The following TSHZ1 variants were observed in gnomAD, a reference collection of about 807,000 sequenced individuals.
TSHZ1 encodes the protein teashirt homolog 1.
A neutral mutation model predicts 67.1 loss-of-function variants in TSHZ1; 12 were observed. The observed-to-expected ratio is 0.18, with a 90% confidence interval of 0.11 to 0.29. The LOEUF is 0.29. TSHZ1 is among the 10% of genes least tolerant of loss of function. TSHZ1 has a pLI of 1.00. For synonymous variants in TSHZ1, 632 were observed against 622.4 expected, an observed-to-expected ratio of 1.02 and a Z score of -0.23; for missense variants, 1,305 against 1,413.9, an observed-to-expected ratio of 0.92 and a Z score of 1.23.
At position 75,285,575 on chromosome 18, in the gene TSHZ1, G is replaced by T. The variant is rs371975193; in HGVS notation, c.168G>T (p.Ala56=). 1 of 1,600,526 alleles carries T rather than the reference G, an allele frequency of 6.2e-7. No individual in the cohort carries two copies. Among genetic ancestry groups the T allele is most frequent in the South Asian group, 1.1e-5 (1 of 90,402 alleles). ...MCNEETEIKE[A]QSYQNSPVSS... ...ATGAAGAGACGGAGATCAAAGAGGC[G>T]CAGAGCTACCAGAACTCCCCAGTCA... Residue 56 remains alanine (A), a synonymous_variant, in exon 2 of 2, where the codon GCG becomes GCT. Transcript: ENST00000580243.
At chr18:75,245,326 A>G (rs974870442) in intron 1 of TSHZ1, 1 of 152,232 alleles carries the variant, frequency 6.6e-6, no homozygotes. Context: ...TGTGGAAACA[A>G]ACAGGAGCTT....
Position 75,288,471 on chromosome 18 carries a change from A to C in TSHZ1, c.3064A>C (p.Thr1022Pro). 6.2e-7 allele frequency: 1 copy of C among 1,614,026 alleles called. No individual in the cohort carries two copies. Among genetic ancestry groups the C allele is most frequent in the Non-Finnish European group, 8.5e-7 (1 of 1,180,000 alleles). The part of the protein sequence containing the change: ...QNVSKVLTNK[T>P]LGPLGATEED... ...TGTTTCGAAAGTCCTCACCAACAAA[A>C]CTCTGGGCCCACTGGGGGCCACCGA... Residue 1022 changes from threonine to proline, a missense_variant, in exon 2 of 2, where the codon ACT (threonine) becomes CCT (proline). Around this residue, in one of 3 missense-constraint regions of TSHZ1, gnomAD observed 909 missense variants for 961.8 expected, o/e 0.95. Coordinates refer to ENST00000580243, the MANE Select transcript of TSHZ1 (RefSeq NM_001308210.2). This position sits in a 1 kb window ranked among gnomAD's most constrained non-coding sequence, Gnocchi z 4.9.
Position 75,288,538 on chromosome 18 carries a change from G to A in TSHZ1, c.3131G>A (p.Arg1044Gln), listed in dbSNP as rs557571956. 1.1e-5 allele frequency: 18 copies of A among 1,614,216 alleles called. No homozygotes were observed. Among genetic ancestry groups the A allele is most frequent in the Admixed American group, 1.7e-5 (1 of 60,028 alleles). The change falls in exon 2 of 2, where the codon CGG (arginine) becomes CAG (glutamine). Residue 1044 changes from arginine (R) to glutamine (Q), a missense_variant. This residue lies in a region of TSHZ1 where 909 missense variants were observed against 961.8 expected (regional missense o/e 0.95). Transcript: ENST00000580243. The surrounding 1 kb of genome is among the most constrained non-coding windows in gnomAD (Gnocchi z 4.9). The stretch of plus-strand genomic sequence containing the variant: ...ACATTCCAATGTAAGCTCTGCAACC[G>A]GACTTTTGCGAGCAAGCACGCAGTC... ...GSTFQCKLCN[R>Q]TFASKHAVKL...
chr18:75,231,547 A>G (rs1027509592), intron 1 of TSHZ1, among the ~76,000 whole-genome samples: 9 of 152,014 alleles, frequency 5.9e-5, no homozygotes, highest in Non-Finnish European at 1.0e-4. Context: ...TTATTTATTT[A>G]TTTATTGATA....
chr18:75,240,889 G>C (rs2023147535), intron 1 of TSHZ1, among the ~76,000 whole-genome samples: 1 of 152,180 alleles, frequency 6.6e-6, no homozygotes. Context: ...TTAAAAACCT[G>C]CTATTTAGTT....
chr18:75,258,532 G>C (rs1181759950), intron 1 of TSHZ1, among the ~76,000 whole-genome samples: 1 of 152,072 alleles, frequency 6.6e-6, no homozygotes, highest in East Asian at 1.9e-4. Flanking sequence ...TTCTTTATTT[G>C]GGAAAAAGGG....
intron 1 of TSHZ1, among the ~76,000 whole-genome samples, chr18:75,228,426 C>A (rs534343310): frequency 7.9e-5 from 12 of 152,320 alleles, no homozygotes; most frequent in African/African-American, 2.6e-4. Flanking sequence ...CCCCAGAGCT[C>A]ACCATTATCA....
chr18:75,236,047 T>C (rs2023065459), intron 1 of TSHZ1, among the ~76,000 whole-genome samples: 3 of 152,032 alleles, frequency 2.0e-5, no homozygotes. Flanking sequence ...GCTTGCGTGA[T>C]AGGAAGCATG....
chr18:75,238,091 A>G (rs574776886), intron 1 of TSHZ1, among the ~76,000 whole-genome samples: 58 of 152,312 alleles, frequency 3.8e-4, no homozygotes, highest in East Asian at 7.7e-4. Flanking sequence ...GTGAGCCACC[A>G]CGCCAGGCTG....
intron 1 of TSHZ1, among the ~76,000 whole-genome samples, chr18:75,277,694 G>A (rs1482574107): frequency 6.6e-6 from 1 of 152,078 alleles, no homozygotes; most frequent in African/African-American, 2.4e-5. Context: ...CTTTCCTGGT[G>A]ACCTCCTAAA....
intron 1 of TSHZ1, among the ~76,000 whole-genome samples, chr18:75,247,027 T>C (rs2023232996): frequency 6.6e-6 from 1 of 152,344 alleles, no homozygotes; most frequent in South Asian, 2.1e-4. Flanking sequence ...GTGGTATATA[T>C]GATTTCTGAA....
chr18:75,218,072 G>A (rs1330246681), intron 1 of TSHZ1, among the ~76,000 whole-genome samples: 1 of 152,086 alleles, frequency 6.6e-6, no homozygotes, highest in African/African-American at 2.4e-5. Context: ...TCATAGATGG[G>A]GCAGATATTA....
intron 1 of TSHZ1, among the ~76,000 whole-genome samples, chr18:75,255,427 T>C (rs1484842772): frequency 6.6e-6 from 1 of 152,216 alleles, no homozygotes; most frequent in Admixed American, 6.5e-5. Flanking sequence ...ACAGGTAACA[T>C]GCTATTTATA....
chr18:75,246,026 C>T (rs9944694), intron 1 of TSHZ1, among the ~76,000 whole-genome samples: 3,354 of 152,296 alleles, frequency 0.022, 122 homozygotes, highest in African/African-American at 0.076. Flanking sequence ...CCCCAGCAAA[C>T]ACCACCTCAC....
In TSHZ1 at chr18:75,254,448, G is replaced by A. The variant is rs114397616; in HGVS notation, c.41-31000G>A. Among the ~76,000 whole-genome samples, 850 of 152,296 alleles carry A rather than the reference G, an allele frequency of 5.6e-3. 11 individuals carry two copies. The highest frequency in any genetic ancestry group is 0.019 in the African/African-American group (808 of 41,568). On this transcript the variant is annotated intron_variant, in intron 1 of 1. Coordinates refer to ENST00000580243, the MANE Select transcript of TSHZ1 (RefSeq NM_001308210.2). ...GAATCAGAAGGGATAAAAAGACACT[G>A]AGCATGAAAAGTCCATGTACTGAAT...
At position 75,229,600 on chromosome 18, in the gene TSHZ1, C is replaced by A. The variant is rs553777390; in HGVS notation, c.40+17684C>A. ...CCGGTGCTTGTTGAGGGACTGAAGCCCCTCCTTGGGGAAGCCCTGGCTCTT... is the reference window on the plus strand; with the variant it reads ...CCGGTGCTTGTTGAGGGACTGAAGCACCTCCTTGGGGAAGCCCTGGCTCTT... On this transcript the variant is annotated intron_variant, in intron 1 of 1. Coordinates refer to ENST00000580243, the MANE Select transcript of TSHZ1 (RefSeq NM_001308210.2). Among the ~76,000 whole-genome samples, 793 of 152,290 alleles carry A rather than the reference C, an allele frequency of 5.2e-3. 9 individuals are homozygous for A. Among genetic ancestry groups the A allele is most frequent in the African/African-American group, 0.018 (757 of 41,544 alleles).
chr18:75,248,615 G>A (rs1278408737), intron 1 of TSHZ1, among the ~76,000 whole-genome samples: 2 of 152,184 alleles, frequency 1.3e-5, no homozygotes, highest in African/African-American at 4.8e-5. Flanking sequence ...GAGTTGAAGT[G>A]AAAGAAAATA....
intron 1 of TSHZ1, among the ~76,000 whole-genome samples, chr18:75,212,985 G>A (rs1226693088): frequency 6.6e-6 from 1 of 152,082 alleles, no homozygotes; most frequent in Non-Finnish European, 1.5e-5. Context: ...AAGCTCTTAG[G>A]GTAAAAATAT....
At position 75,222,461 on chromosome 18, in the gene TSHZ1, G is replaced by A. The variant is rs148887034; in HGVS notation, c.40+10545G>A. ...AAAACTGCGATGTTCACAAAAGATC[G>A]TTGTCTCCTTTTTTTTCTCAACTCC... On this transcript the variant is annotated intron_variant, in intron 1 of 1. Coordinates refer to ENST00000580243, the MANE Select transcript of TSHZ1 (RefSeq NM_001308210.2). 1.2e-4 allele frequency among the ~76,000 whole-genome samples: 19 copies of A among 152,154 alleles called. No homozygotes were observed. The East Asian group carries it at 3.5e-3, about 28-fold the overall frequency.
Sources: allele counts gnomAD v4.1 joint callset (sites outside exome capture counted in the v4.1 genomes callset), GRCh38; gene constraint gnomAD v4.1.1; regional missense constraint gnomAD v4.1.1; non-coding constraint Gnocchi (gnomAD v3.1); transcripts MANE v1.5; gene names NCBI Gene and HGNC (gene_info 2026-07-23, HGNC 2026-07-21).